CDK6: variants seen among roughly 807,000 people sequenced by gnomAD.
CDK6 encodes the protein cyclin-dependent kinase 6.
In CDK6, 6 loss-of-function variants were observed where a neutral mutation model predicts 37.1. That is an observed-to-expected ratio of 0.16 (90% CI 0.09 to 0.32). The LOEUF is 0.32. CDK6 is among the 10% of genes least tolerant of loss of function. The pLI, the probability that CDK6 is intolerant of heterozygous loss-of-function variation, is 1.00. For synonymous variants in CDK6, 160 were observed against 161.3 expected (o/e 0.99, Z 0.06); for missense variants, 224 against 418.9 (o/e 0.53, Z 4.06).
chr7:92,669,577 G>A (rs190874403), intron 5 of CDK6, among the ~76,000 whole-genome samples: 4 of 152,300 alleles, frequency 2.6e-5, no homozygotes, highest in East Asian at 3.9e-4. Context: ...TTATTCCTGC[G>A]ATGAAGTAGA....
chr7:92,660,474 G>A (rs1585377297), intron 5 of CDK6, among the ~76,000 whole-genome samples: 1 of 152,272 alleles, frequency 6.6e-6, no homozygotes, highest in African/African-American at 2.4e-5. Flanking sequence ...AATAATATAT[G>A]CAATGGCCAG....
intron 2 of CDK6, among the ~76,000 whole-genome samples, chr7:92,802,269 T>C (rs542703414): frequency 6.6e-6 from 1 of 152,272 alleles, no homozygotes; most frequent in South Asian, 2.1e-4. Context: ...AGGGAAATAA[T>C]ATTATTCTTA....
chr7:92,818,670 GA>G (rs1298966776), intron 2 of CDK6, among the ~76,000 whole-genome samples: 1 of 151,952 alleles, frequency 6.6e-6, no homozygotes, highest in African/African-American at 2.4e-5. Flanking sequence ...CCAAAGACCT[GA>G]AGAAAATATT....
chr7:92,822,396 GT>G (rs1801197038), intron 2 of CDK6, among the ~76,000 whole-genome samples: 1 of 151,994 alleles, frequency 6.6e-6, no homozygotes, highest in East Asian at 1.9e-4. Context: ...ATTTTGAAGA[GT>G]TTTAAATGCA....
chr7:92,804,522 C>T (rs1000757437), intron 2 of CDK6, among the ~76,000 whole-genome samples: 1 of 152,152 alleles, frequency 6.6e-6, no homozygotes, highest in Non-Finnish European at 1.5e-5. Flanking sequence ...TTTTCCTCTT[C>T]TTGCCTATTG....
intron 3 of CDK6, among the ~76,000 whole-genome samples, chr7:92,736,816 A>G (rs562798508): frequency 6.6e-6 from 1 of 152,338 alleles, no homozygotes; most frequent in African/African-American, 2.4e-5. Flanking sequence ...TAAGGAGGCT[A>G]TGATACTATT....
rs184963307 is a variant in CDK6, at chr7:92,765,979, C to A, written c.369+8717G>T. On this transcript the variant is annotated intron_variant, in intron 3 of 7. Coordinates refer to ENST00000424848, the MANE Select transcript of CDK6 (RefSeq NM_001145306.2). ...GGACAAATGCCGAGCTAGAAGCAAG[C>A]TGGAGGAACAGAAAGAAGGCCACTG... Among the ~76,000 whole-genome samples, 426 of 152,068 alleles carry A rather than the reference C, an allele frequency of 2.8e-3. 3 individuals carry two copies. The highest frequency in any genetic ancestry group is 3.3e-3 in the Non-Finnish European group (222 of 67,978).
intron 2 of CDK6, among the ~76,000 whole-genome samples, chr7:92,775,940 C>T (rs1437857300): frequency 1.3e-5 from 2 of 151,948 alleles, no homozygotes; most frequent in African/African-American, 4.8e-5. Context: ...ATTTTAAGTT[C>T]TGGGATATAT....
rs1029513015 is a variant in CDK6, at chr7:92,614,877, CTCT to C, written c.*260_*262del. 1.9e-4 allele frequency: 77 copies of C among 414,902 alleles called. No individual in the cohort carries two copies. The highest frequency in any genetic ancestry group is 1.5e-3 in the African/African-American group (76 of 51,294). The allele number at this position is 414,902 out of a possible 1,614,324, so 25.7% of individuals were successfully genotyped here. A position where few individuals can be genotyped will look rare whatever the true frequency, so the allele number is the denominator to read the frequency against. ...TGGCAGCACAATTGGTCAGCAGCTT[CTCT>C]TCTTCTGGAATTTTTCCAGGTTCTT... On this transcript the variant is annotated 3_prime_UTR_variant, in exon 8 of 8. Transcript: ENST00000424848.
At chr7:92,775,992 A>G (rs1433985207) in intron 2 of CDK6, among the ~76,000 whole-genome samples, 1 of 152,042 alleles carries the variant, frequency 6.6e-6, no homozygotes, top group East Asian at 1.9e-4. Flanking sequence ...TACACGTGCT[A>G]TGGTGGTTTG....
chr7:92,766,262 A>G (rs1234087001), intron 3 of CDK6, among the ~76,000 whole-genome samples: 2 of 152,176 alleles, frequency 1.3e-5, no homozygotes, highest in Non-Finnish European at 2.9e-5. Context: ...GATGGGTTAA[A>G]CTAGAACTAT....
chr7:92,810,468 GCA>G (rs1467951282), intron 2 of CDK6, among the ~76,000 whole-genome samples: 37 of 152,138 alleles, frequency 2.4e-4, no homozygotes, highest in Non-Finnish European at 5.0e-4. Context: ...TTCTTTATCT[GCA>G]AGACGGGAAT....
intron 3 of CDK6, among the ~76,000 whole-genome samples, chr7:92,751,825 GTCT>G (rs1799197148): frequency 6.6e-6 from 1 of 151,848 alleles, no homozygotes; most frequent in Admixed American, 6.6e-5. Context: ...TTAAATATAT[GTCT>G]TCATTTCATT....
chr7:92,749,115 C>T (rs1355627245), intron 3 of CDK6, among the ~76,000 whole-genome samples: 1 of 151,046 alleles, frequency 6.6e-6, no homozygotes, highest in Non-Finnish European at 1.5e-5. Context: ...AGGAGAATTG[C>T]TTGAACCTGG....
At chr7:92,703,584 A>G (rs961095589) in intron 4 of CDK6, among the ~76,000 whole-genome samples, 2 of 152,198 alleles carry the variant, frequency 1.3e-5, no homozygotes, top group Non-Finnish European at 2.9e-5. Flanking sequence ...TATGACATGA[A>G]TGTGTTATAT....
intron 5 of CDK6, among the ~76,000 whole-genome samples, chr7:92,644,004 C>A (rs1010073147): frequency 1.3e-5 from 2 of 152,128 alleles, no homozygotes; most frequent in Admixed American, 6.5e-5. Context: ...GGAAACCAGG[C>A]CAAACTTGCT....
rs150459559 is a variant in CDK6 at position 92,658,150 on chromosome 7, C to G, written c.647+13276G>C. Among the ~76,000 whole-genome samples, 375 of 152,270 alleles carry G rather than the reference C, an allele frequency of 2.5e-3. 1 individual carries two copies. Among genetic ancestry groups the G allele is most frequent in the African/African-American group, 8.7e-3 (363 of 41,546 alleles). On this transcript the variant is annotated intron_variant, in intron 5 of 7. Coordinates refer to ENST00000424848, the MANE Select transcript of CDK6 (RefSeq NM_001145306.2). ...TCTCAATCCTACCTCCCACCTCAAG[C>G]TAAAAACAGAGTTTAGTTGAAACTT...
intron 2 of CDK6, among the ~76,000 whole-genome samples, chr7:92,829,584 A>G (rs1255352365): frequency 1.3e-5 from 2 of 152,204 alleles, no homozygotes; most frequent in African/African-American, 4.8e-5. Flanking sequence ...TTTTTAAAGC[A>G]TATGCCCTTC....
At chr7:92,718,905 T>C (rs1798299114) in intron 4 of CDK6, among the ~76,000 whole-genome samples, 7 of 152,234 alleles carry the variant, frequency 4.6e-5, no homozygotes, top group Admixed American at 4.6e-4. Flanking sequence ...CCATTTCCAT[T>C]CACCATCATC....
Sources: gnomAD v4.1 joint callset for allele counts (sites outside exome capture counted in the v4.1 genomes callset) on GRCh38, gnomAD v4.1.1 for gene constraint, MANE v1.5 for transcripts, NCBI Gene and HGNC (gene_info 2026-07-23, HGNC 2026-07-21) for gene names.